IFI16: variants seen among roughly 807,000 people sequenced by gnomAD.
IFI16 encodes gamma-interferon-inducible protein 16.
Under a neutral mutation model 68.4 loss-of-function variants are expected in IFI16, and 49 were observed. The observed-to-expected ratio is 0.72, with a 90% CI of 0.57 to 0.91. The LOEUF (loss-of-function observed/expected upper bound fraction) is 0.91. Among genes scored for constraint, IFI16 ranks in the 40% least tolerant of loss-of-function variants. The probability of loss-of-function intolerance (pLI) is 0.00; values close to 1 mark genes in which losing one functional copy is unlikely to be tolerated. For missense variants in IFI16, 878 were observed against 942.9 expected, an observed-to-expected ratio of 0.93 and a Z score of 0.90; for synonymous variants, 307 against 315.0, an observed-to-expected ratio of 0.97 and a Z score of 0.27.
chr1:159,020,846 CGTGTGTGTGT>C (rs56977166), intron 6 of IFI16, among the ~76,000 whole-genome samples: 1 of 148,824 alleles, frequency 6.7e-6, no homozygotes, highest in East Asian at 2.0e-4. Context: ...TAGAAAACGT[CGTGTGTGTGT>C]GTGTGTGTGT....
intron 7 of IFI16, among the ~76,000 whole-genome samples, chr1:159,036,194 T>A (rs1420429922): frequency 2.0e-5 from 3 of 152,222 alleles, no homozygotes; most frequent in Non-Finnish European, 4.4e-5. Context: ...AAACCTGTAT[T>A]CTTTATGTAT....
At position 159,032,691 on chromosome 1, in the gene IFI16, G is replaced by A. The variant is rs1571866752; in HGVS notation, c.1329G>A (p.Lys443=). The A allele has an allele frequency of 6.3e-7, 1 of 1,585,674 alleles. No homozygotes were observed. Among genetic ancestry groups the A allele is most frequent in the Non-Finnish European group, 8.6e-7 (1 of 1,169,564 alleles). Residue 443 remains lysine (K), a splice_region_variant and synonymous_variant, in exon 7 of 12, where the codon AAG becomes AAA. Coordinates refer to ENST00000295809, the MANE Select transcript of IFI16 (RefSeq NM_001376587.1). ...PTTPSSSFFT[K]KSEDTISKMN... ...CTCCATCCAGCAGTTTCTTCACCAAGGTACAATTTCCTGGGTCCCATGCCT... is the reference window on the plus strand; with the variant it reads ...CTCCATCCAGCAGTTTCTTCACCAAAGTACAATTTCCTGGGTCCCATGCCT...
At chr1:159,008,706 G>T (rs1652366533), upstream of IFI16, among the ~76,000 whole-genome samples, 1 of 152,090 alleles carries the variant, frequency 6.6e-6, no homozygotes, top group Non-Finnish European at 1.5e-5. Flanking sequence ...GCCAGTAAAA[G>T]ATTATCACGA....
In IFI16 at chr1:159,051,992, A is replaced by T; in HGVS notation, c.1979A>T (p.Glu660Val). The change falls in exon 10 of 12, where the codon GAG becomes GTG. Residue 660 changes from glutamate (E) to valine (V), a missense_variant. Physicochemically the swap from Glu to Val is moderately radical, Grantham distance 121. Transcript: ENST00000295809. ...GATGTGAATGCTGACCGAAACATGGAGATCCCAAAAGGATTGATTAGAAGT... is the reference window on the plus strand; with the variant it reads ...GATGTGAATGCTGACCGAAACATGGTGATCCCAAAAGGATTGATTAGAAGT... ...VADVNADRNM[E>V]IPKGLIRSAS... The T allele has an allele frequency of 6.2e-7, 1 of 1,614,052 alleles. No homozygotes were observed.
intron 6 of IFI16, among the ~76,000 whole-genome samples, chr1:159,025,256 C>A (rs75274238): frequency 0.026 from 3,975 of 152,132 alleles, 73 homozygotes; most frequent in African/African-American, 0.05. Context: ...CTTCTTGTGG[C>A]CTTCACCACC....
At position 159,053,558 on chromosome 1, in the gene IFI16, AT is replaced by A; in HGVS notation, c.2113del (p.Tyr705MetfsTer18). ...AAAAATGTAAGGGGTGAATTCACTT[AT>A]TATGAAATACAAGATAATACAGGGA... ...HKKNVRGEFT[Y>X]YEIQDNTGKM... On this transcript the variant is annotated frameshift_variant, in exon 11 of 12. Transcript: ENST00000295809. LOFTEE classifies it high-confidence loss of function. 3.7e-6 allele frequency: 6 copies of A among 1,609,778 alleles called. No individual in the cohort carries two copies. The highest frequency in any genetic ancestry group is 5.1e-6 in the Non-Finnish European group (6 of 1,177,176).
At chr1:159,016,124 A>G (rs1455435096) in intron 3 of IFI16, 137 bp downstream of exon 3, 3 of 635,446 alleles carry the variant, frequency 4.7e-6, no homozygotes, top group African/African-American at 1.8e-5. Context: ...TTGTATGATA[A>G]TTGATCATCT....
intron 1 of IFI16, among the ~76,000 whole-genome samples, chr1:159,014,093 G>A (rs1461894715): frequency 6.6e-6 from 1 of 152,134 alleles, no homozygotes; most frequent in East Asian, 1.9e-4. Context: ...TGGTTTTATG[G>A]GTACAGAGAA....
At chr1:159,046,503 A>T (rs1669942184) in intron 8 of IFI16, among the ~76,000 whole-genome samples, 1 of 151,314 alleles carries the variant, frequency 6.6e-6, no homozygotes, top group South Asian at 2.1e-4. Flanking sequence ...TTGAGATATG[A>T]ACAGGAATAA....
chr1:159,031,453 T>C (rs902886974), intron 6 of IFI16, among the ~76,000 whole-genome samples: 1 of 152,232 alleles, frequency 6.6e-6, no homozygotes. Flanking sequence ...CTGAAGGACC[T>C]TTGTGAGACA....
At chr1:159,040,430 T>G (rs1633267) in intron 7 of IFI16, among the ~76,000 whole-genome samples, 119,440 of 152,216 alleles carry the variant, frequency 0.78, 47,899 homozygotes, top group Admixed American at 0.88. Context: ...AAGCATGTTG[T>G]TAATCTTTTC....
chr1:159,048,761 G>C (rs1655154817), intron 8 of IFI16, among the ~76,000 whole-genome samples: 1 of 151,576 alleles, frequency 6.6e-6, no homozygotes, highest in Non-Finnish European at 1.5e-5. Flanking sequence ...ATTAAAGGTA[G>C]TCAAGGTATG....
intron 8 of IFI16, among the ~76,000 whole-genome samples, chr1:159,047,025 C>T (rs1655031785): frequency 6.6e-6 from 1 of 151,120 alleles, no homozygotes; most frequent in Non-Finnish European, 1.5e-5. Context: ...TCTGTATGAC[C>T]TACAATCCAG....
intron 6 of IFI16, among the ~76,000 whole-genome samples, chr1:159,025,569 G>A (rs1267529679): frequency 6.6e-6 from 1 of 151,976 alleles, no homozygotes; most frequent in African/African-American, 2.4e-5. Context: ...ATAGATTCTG[G>A]ATATTAGTCC....
intron 10 of IFI16, 46 bp downstream of exon 10, chr1:159,052,144 A>G: frequency 2.0e-6 from 3 of 1,486,910 alleles, no homozygotes; most frequent in African/African-American, 2.8e-5. Flanking sequence ...GCAACCTCCA[A>G]TTTTTAAAGT....
At chr1:159,054,010 T>C (rs1190878383) in intron 11 of IFI16, among the ~76,000 whole-genome samples, 1 of 152,056 alleles carries the variant, frequency 6.6e-6, no homozygotes, top group Non-Finnish European at 1.5e-5. Flanking sequence ...AATTTGGGTT[T>C]GGTTAAGGCA....
In IFI16 at chr1:159,018,373, A is replaced by G. The variant is rs1478137434; in HGVS notation, c.694A>G (p.Thr232Ala). The change falls in exon 5 of 12, where the codon ACA (threonine) becomes GCA (alanine). Residue 232 changes from threonine (T) to alanine (A), a missense_variant. By Grantham distance (58) the Thr-to-Ala change is moderately conservative. Around this residue, in one of 4 missense-constraint regions of IFI16, gnomAD observed 443 missense variants for 421.8 expected, o/e 1.05. Coordinates refer to ENST00000295809, the MANE Select transcript of IFI16 (RefSeq NM_001376587.1). ...GGAGAAAAAAATAATGTTTCATGCTACAGTGGCTACACAGACACAGTTCTT... is the reference window on the plus strand; with the variant it reads ...GGAGAAAAAAATAATGTTTCATGCTGCAGTGGCTACACAGACACAGTTCTT... Reference protein sequence around the residue: ...EMEKKIMFHATVATQTQFFHV... With the variant: ...EMEKKIMFHAAVATQTQFFHV... The G allele has an allele frequency of 6.2e-7, 1 of 1,614,234 alleles. No individual in the cohort carries two copies. Among genetic ancestry groups the G allele is most frequent in the Non-Finnish European group, 8.5e-7 (1 of 1,180,024 alleles).
At chr1:159,032,817 G>T in intron 7 of IFI16, 126 bp downstream of exon 7, 1 of 781,030 alleles carries the variant, frequency 1.3e-6, no homozygotes, top group Non-Finnish European at 2.0e-6. Flanking sequence ...ATGAAATTAT[G>T]TCACTCAATC....
intron 6 of IFI16, among the ~76,000 whole-genome samples, chr1:159,024,855 A>G (rs1653551423): frequency 6.6e-6 from 1 of 152,202 alleles, no homozygotes; most frequent in Non-Finnish European, 1.5e-5. Context: ...AGAAGGGCTT[A>G]ATCTTAGTAC....
Sources: gnomAD v4.1 joint callset for allele counts (sites outside exome capture counted in the v4.1 genomes callset) on GRCh38, gnomAD v4.1.1 for gene constraint, gnomAD v4.1.1 regional missense constraint, MANE v1.5 for transcripts, NCBI Gene and HGNC (gene_info 2026-07-23, HGNC 2026-07-21) for gene names.